Variants in IFFO2 observed in about 807,000 individuals in gnomAD.
IFFO2 encodes intermediate filament family orphan 2.
Under a neutral mutation model 53.5 loss-of-function variants are expected in IFFO2, and 19 were observed. The ratio of observed to expected loss-of-function variants is 0.36; its 90% CI spans 0.25 to 0.52. IFFO2 has a LOEUF of 0.52. Ranked by LOEUF, IFFO2 falls within the 20% of genes least tolerant of loss-of-function variation. The pLI is 0.94. For synonymous variants in IFFO2, 303 were observed against 313.6 expected (o/e 0.97, Z 0.36); for missense variants, 570 against 727.4 (o/e 0.78, Z 2.49).
intron 1 of IFFO2, among the ~76,000 whole-genome samples, chr1:18,949,765 G>C (rs775713164): frequency 3.9e-5 from 6 of 152,224 alleles, no homozygotes; most frequent in Non-Finnish European, 8.8e-5. Flanking sequence ...GTGTGCATCT[G>C]CATGTGTATG....
chr1:18,931,485 A>G (rs941508767), intron 1 of IFFO2, among the ~76,000 whole-genome samples: 1 of 152,058 alleles, frequency 6.6e-6, no homozygotes, highest in Admixed American at 6.6e-5. Context: ...ACTTCCCCAG[A>G]ATAAGTCACT....
intron 5 of IFFO2, among the ~76,000 whole-genome samples, chr1:18,912,849 C>G (rs1175742129): frequency 6.6e-6 from 1 of 152,204 alleles, no homozygotes; most frequent in Non-Finnish European, 1.5e-5. Context: ...TCAAGACCTC[C>G]CTATTGGCTA....
intron 1 of IFFO2, among the ~76,000 whole-genome samples, chr1:18,935,864 AT>A (rs757253270): frequency 0.11 from 10,159 of 95,666 alleles, 291 homozygotes; most frequent in African/African-American, 0.19. Flanking sequence ...TAATTTTTCT[AT>A]TTTTTTTTTT....
At position 18,907,162 on chromosome 1, in the gene IFFO2, C is replaced by T. The variant is rs1935961144; in HGVS notation, c.*1399G>A. 6.6e-6 allele frequency: 1 copy of T among 152,210 alleles called. No homozygotes were observed. Among genetic ancestry groups the T allele is most frequent in the Non-Finnish European group, 1.5e-5 (1 of 68,042 alleles). 9.4% of individuals were successfully genotyped at this position (152,210 alleles called of 1,614,324 possible). On this transcript the variant is annotated 3_prime_UTR_variant, in exon 9 of 9. Transcript: ENST00000455833. ...ATAAAAAATTAAAATTGGCAACAGA[C>T]CCACTGCAGTAGGCTTAAAAAATAA...
intron 1 of IFFO2, among the ~76,000 whole-genome samples, chr1:18,927,858 C>T (rs1018910004): frequency 6.6e-6 from 1 of 152,236 alleles, no homozygotes; most frequent in African/African-American, 2.4e-5. Flanking sequence ...CTTCTGAGCC[C>T]TTCTAGAGAA....
At chr1:18,948,408 G>T (rs1173241473) in intron 1 of IFFO2, among the ~76,000 whole-genome samples, 1 of 152,196 alleles carries the variant, frequency 6.6e-6, no homozygotes, top group Non-Finnish European at 1.5e-5. Flanking sequence ...TCCCACGTGG[G>T]CATAGTGAAG....
At chr1:18,912,941 G>A (rs1245941930) in intron 5 of IFFO2, among the ~76,000 whole-genome samples, 1 of 152,216 alleles carries the variant, frequency 6.6e-6, no homozygotes, top group Non-Finnish European at 1.5e-5. Flanking sequence ...CCCAACTGGA[G>A]GAGACCTAAA....
chr1:18,932,125 C>T (rs1349680020), intron 1 of IFFO2, among the ~76,000 whole-genome samples: 1 of 152,222 alleles, frequency 6.6e-6, no homozygotes, highest in Non-Finnish European at 1.5e-5. Flanking sequence ...CAACCACACG[C>T]TCCCGGGCAA....
At chr1:18,944,231 C>A (rs1936557838) in intron 1 of IFFO2, among the ~76,000 whole-genome samples, 1 of 152,192 alleles carries the variant, frequency 6.6e-6, no homozygotes, top group Admixed American at 6.5e-5. Context: ...GAAGGCATAG[C>A]TAACTTGGTT....
Position 18,911,951 on chromosome 1 carries a change from C to A in IFFO2, c.1224+12G>T, listed in dbSNP as rs1001318141. ...TAGTCCTGGCCTTTGGGAAGCCAGGCGCTGGGCTTACCTCGCCCTGCAGGT... is the reference window on the plus strand; with the variant it reads ...TAGTCCTGGCCTTTGGGAAGCCAGGAGCTGGGCTTACCTCGCCCTGCAGGT... On this transcript the variant is annotated intron_variant, in intron 6 of 8. Transcript: ENST00000455833. 1.3e-6 allele frequency: 2 copies of A among 1,551,454 alleles called. No individual in the cohort carries two copies. Among genetic ancestry groups the A allele is most frequent in the Non-Finnish European group, 1.7e-6 (2 of 1,146,880 alleles).
rs1441845817 is a variant in IFFO2, at chr1:18,947,426, C to T, written c.665+8242G>A. ...GCCCCAGCTTTGCTAGGCAACATTT[C>T]ACAGAAATGAAAACTGAGGCTCACA... On this transcript the variant is annotated intron_variant, in intron 1 of 8. Transcript: ENST00000455833. This position sits in a 1 kb window ranked among gnomAD's most constrained non-coding sequence, Gnocchi z 5.0. Among the ~76,000 whole-genome samples, 1 of 152,222 alleles carries T rather than the reference C, an allele frequency of 6.6e-6. No individual in the cohort carries two copies. The highest frequency in any genetic ancestry group is 1.5e-5 in the Non-Finnish European group (1 of 68,026).
chr1:18,920,083 A>AT (rs1427092050), intron 2 of IFFO2, among the ~76,000 whole-genome samples: 3 of 152,254 alleles, frequency 2.0e-5, no homozygotes, highest in African/African-American at 7.2e-5. Context: ...AACTGCCAGT[A>AT]TTGGGCCATC....
chr1:18,933,223 T>C, intron 1 of IFFO2, among the ~76,000 whole-genome samples: 1 of 152,210 alleles, frequency 6.6e-6, no homozygotes, highest in South Asian at 2.1e-4. Flanking sequence ...GTGTGGGAAG[T>C]TCTGGGCACT....
At chr1:18,922,367 C>G (rs1191007631) in intron 1 of IFFO2, among the ~76,000 whole-genome samples, 1 of 152,186 alleles carries the variant, frequency 6.6e-6, no homozygotes, top group Non-Finnish European at 1.5e-5. Flanking sequence ...CCTACATGGC[C>G]TCGGAGCAGG....
intron 6 of IFFO2, 135 bp from the exon 7 acceptor site, chr1:18,911,611 T>C: frequency 2.4e-6 from 1 of 410,934 alleles, no homozygotes; most frequent in South Asian, 5.4e-5. Flanking sequence ...TGATCTCGGC[T>C]CACTACAACC....
chr1:18,914,586 G>A (rs1404416437), intron 5 of IFFO2, among the ~76,000 whole-genome samples: 4 of 152,040 alleles, frequency 2.6e-5, no homozygotes, highest in Non-Finnish European at 1.5e-5. Flanking sequence ...GGAGGCCAAG[G>A]TGGGCGGATC....
chr1:18,946,652 C>T (rs1317295426), intron 1 of IFFO2, among the ~76,000 whole-genome samples: 1 of 151,950 alleles, frequency 6.6e-6, no homozygotes, highest in Admixed American at 6.6e-5. Flanking sequence ...CTCCTGACCT[C>T]ATGATCTACC....
Position 18,918,439 on chromosome 1 carries a change from G to A in IFFO2, c.886C>T (p.Arg296Cys), listed in dbSNP as rs1443004685. The change falls in exon 4 of 9, where the codon CGC becomes TGC. Residue 296 changes from arginine to cysteine, a missense_variant. Transcript: ENST00000455833. This position sits in a 1 kb window ranked among gnomAD's most constrained non-coding sequence, Gnocchi z 5.2. ...AGCTTGGCCGTGATATCGATTCGGCGGCAGATGTCCATGTCCACCTTCATG... is the reference window on the plus strand; with the variant it reads ...AGCTTGGCCGTGATATCGATTCGGCAGCAGATGTCCATGTCCACCTTCATG... ...KAMKVDMDIC[R>C]RIDITAKLCD... is the part of the protein sequence containing the mutation. 6 of 1,561,660 alleles carry A rather than the reference G, an allele frequency of 3.8e-6. No homozygotes were observed. Among genetic ancestry groups the A allele is most frequent in the Middle Eastern group, 1.7e-4 (1 of 5,998 alleles).
At chr1:18,944,462 T>C (rs1936560949) in intron 1 of IFFO2, among the ~76,000 whole-genome samples, 1 of 152,052 alleles carries the variant, frequency 6.6e-6, no homozygotes, top group Admixed American at 6.5e-5. Flanking sequence ...TCCTAGGCCC[T>C]GGACCATAAT....
Sources: allele counts gnomAD v4.1 joint callset (sites outside exome capture counted in the v4.1 genomes callset), GRCh38; gene constraint gnomAD v4.1.1; non-coding constraint Gnocchi (gnomAD v3.1); transcripts MANE v1.5; gene names NCBI Gene and HGNC (gene_info 2026-07-23, HGNC 2026-07-21).